Variants in DNAJB1 observed in about 807,000 individuals in gnomAD.
DNAJB1 encodes the protein dnaJ homolog subfamily B member 1.
DNAJB1 carries 14 observed loss-of-function variants against 24.0 expected under a neutral mutation model. The ratio of observed to expected loss-of-function variants is 0.58; its 90% confidence interval spans 0.39 to 0.91. DNAJB1 has a LOEUF of 0.91. DNAJB1 is among the 40% of genes least tolerant of loss of function. The pLI, the probability that DNAJB1 is intolerant of heterozygous loss-of-function variation, is 0.00. For synonymous variants in DNAJB1, 262 were observed against 174.4 expected (o/e 1.50, Z -3.96); for missense variants, 517 against 458.1 (o/e 1.13, Z -1.17).
chr19:14,518,155 G>A lies in DNAJB1; in HGVS notation c.195C>T (p.Asp65=), dbSNP rs752558652. 54 of 1,579,970 alleles carry A rather than the reference G, an allele frequency of 3.4e-5. No individual in the cohort carries two copies. The highest frequency in any genetic ancestry group is 3.1e-5 in the Non-Finnish European group (36 of 1,164,570). Residue 65 remains aspartate (D), a synonymous_variant, in exon 1 of 3, where the codon GAC becomes GAT. Transcript: ENST00000254322. ...LSDPRKREIF[D]RYGEEGLKGS... is the part of the protein sequence containing the mutation. ...AGCACACACCTTCCTCCCCGTAGCG[G>A]TCGAAGATCTCGCGCTTGCGCGGGT...
At chr19:14,535,324 A>G (rs2072822356) in intron 1 of DNAJB1, among the ~76,000 whole-genome samples, 1 of 150,808 alleles carries the variant, frequency 6.6e-6, no homozygotes, top group South Asian at 2.1e-4. Flanking sequence ...TGGCTAACAC[A>G]GTGAAACCCC....
chr19:14,540,621 ACCACAAGTGAT>A (rs909041704), intron 1 of DNAJB1, among the ~76,000 whole-genome samples: 1 of 149,610 alleles, frequency 6.7e-6, no homozygotes, highest in Non-Finnish European at 1.5e-5. Flanking sequence ...TGAACTCCTG[ACCACAAGTGAT>A]CCACCTGCCT....
At chr19:14,521,319 T>C (rs143653686), upstream of DNAJB1, among the ~76,000 whole-genome samples, 3,050 of 151,944 alleles carry the variant, frequency 0.02, 110 homozygotes, top group African/African-American at 0.065. Flanking sequence ...ATTAGTCGGG[T>C]GCGGTGGCAG....
At chr19:14,544,536 G>A (rs1024147552) in intron 1 of DNAJB1, among the ~76,000 whole-genome samples, 5 of 151,900 alleles carry the variant, frequency 3.3e-5, no homozygotes, top group South Asian at 2.1e-4. Flanking sequence ...CTTTGAGTGC[G>A]GGTCCTGAGC....
Position 14,515,686 on chromosome 19 carries a change from C to G in DNAJB1, c.*254G>C, listed in dbSNP as rs894433694. The G allele has an allele frequency of 2.2e-6, 1 of 449,374 alleles. No individual in the cohort carries two copies. The allele number at this position is 449,374 out of a possible 1,614,324, so 27.8% of individuals were successfully genotyped here. A position where few individuals can be genotyped will look rare whatever the true frequency, so the allele number is the denominator to read the frequency against. ...TGGATGTGGGCCCATCCCGGGAGGG[C>G]TGCCAGACCCAGTGGGGCAGACTGG... is the stretch of plus-strand genomic sequence containing the variant. On this transcript the variant is annotated 3_prime_UTR_variant, in exon 3 of 3. Transcript: ENST00000254322.
rs546630831 is a variant in DNAJB1, at chr19:14,557,983, C to G, written c.-2166+2048G>C. Reference sequence around the variant, plus strand: ...TGTTAGCCAGGATGGTCTCGATCTCCTGACCTCGTGATTCGCCCGCCTCGG... The same window carrying G: ...TGTTAGCCAGGATGGTCTCGATCTCGTGACCTCGTGATTCGCCCGCCTCGG... On this transcript the variant is annotated intron_variant, in intron 1 of 5. Coordinates refer to the DNAJB1 transcript ENST00000679223. Among the ~76,000 whole-genome samples, 7 of 151,182 alleles carry G rather than the reference C, an allele frequency of 4.6e-5. No individual in the cohort carries two copies. In the South Asian group the frequency reaches 1.3e-3, roughly 27 times the overall value.
intron 1 of DNAJB1, among the ~76,000 whole-genome samples, chr19:14,537,744 G>GTTTTTT (rs533380690): frequency 3.2e-5 from 4 of 126,268 alleles, no homozygotes; most frequent in Non-Finnish European, 3.3e-5. Context: ...AATTATCAGT[G>GTTTTTT]TTTTTTTTTT....
upstream of DNAJB1, chr19:14,529,820 C>A: frequency 6.6e-7 from 1 of 1,517,884 alleles, no homozygotes; most frequent in Non-Finnish European, 9.1e-7. Flanking sequence ...AAGGAAGAGC[C>A]AGACGGCGCA....
At position 14,515,892 on chromosome 19, in the gene DNAJB1, C is replaced by T. The variant is rs2072248545; in HGVS notation, c.*48G>A. 1.3e-6 allele frequency: 2 copies of T among 1,573,086 alleles called. No individual in the cohort carries two copies. The highest frequency in any genetic ancestry group is 3.8e-5 in the Admixed American group (2 of 52,918). Reference sequence around the variant, plus strand: ...CAACTGGTAGAAAGGTCCAGAAATCCTTGAGCTCTGGAAAGGTCCCTGGTC... The same window carrying T: ...CAACTGGTAGAAAGGTCCAGAAATCTTTGAGCTCTGGAAAGGTCCCTGGTC... On this transcript the variant is annotated 3_prime_UTR_variant, in exon 3 of 3. Transcript: ENST00000254322.
At chr19:14,553,897 C>T (rs1263510429), upstream of DNAJB1, among the ~76,000 whole-genome samples, 2 of 152,154 alleles carry the variant, frequency 1.3e-5, no homozygotes, top group African/African-American at 2.4e-5. Context: ...GTGTCTTTAC[C>T]TGGGGCCCTG....
intron 1 of DNAJB1, chr19:14,517,916 C>G (rs1168474654): frequency 2.3e-6 from 1 of 439,208 alleles, no homozygotes; most frequent in East Asian, 3.7e-5. Context: ...GAGGGGCAGC[C>G]CCAGACATGC....
At chr19:14,549,873 G>A (rs1296000852) in intron 1 of DNAJB1, among the ~76,000 whole-genome samples, 1 of 151,838 alleles carries the variant, frequency 6.6e-6, no homozygotes, top group African/African-American at 2.4e-5. Context: ...AACTCGGCAT[G>A]CGGAGGTTGC....
chr19:14,529,908 T>G, upstream of DNAJB1: 1 of 759,020 alleles, frequency 1.3e-6, no homozygotes, highest in East Asian at 2.7e-5. Flanking sequence ...TTTATAAATC[T>G]GCAACCCAGG....
chr19:14,540,617 C>A (rs2073066010), intron 1 of DNAJB1, among the ~76,000 whole-genome samples: 1 of 151,908 alleles, frequency 6.6e-6, no homozygotes, highest in African/African-American at 2.4e-5. Context: ...GTCTTGAACT[C>A]CTGACCACAA....
At chr19:14,548,374 C>G (rs541144651) in intron 1 of DNAJB1, among the ~76,000 whole-genome samples, 10 of 152,094 alleles carry the variant, frequency 6.6e-5, no homozygotes, top group Non-Finnish European at 1.5e-4. Context: ...TACCCAGGCC[C>G]TAAGCTGTTT....
intron 1 of DNAJB1, among the ~76,000 whole-genome samples, chr19:14,557,151 T>TTATTTATC (rs1368818546): frequency 6.6e-6 from 1 of 151,520 alleles, no homozygotes; most frequent in Non-Finnish European, 1.5e-5. Flanking sequence ...ATTTATTTAT[T>TTATTTATC]TATTTTGAGA....
chr19:14,551,359 G>A (rs1176441289), upstream of DNAJB1, among the ~76,000 whole-genome samples: 3 of 152,134 alleles, frequency 2.0e-5, no homozygotes, highest in African/African-American at 7.2e-5. Flanking sequence ...ACAGGCGTGA[G>A]CCACTGCACC....
rs1486220362 is a variant in DNAJB1, at chr19:14,516,507, C to T, written c.751G>A (p.Gly251Ser). ...CTGGCAGGATAAATGACATCAGAGC[C>T]ATCTCTCTTAAAGATATTGTGGGGC... ...DKPHNIFKRDGSDVIYPARIS... is the reference protein window; with the variant it reads ...DKPHNIFKRDSSDVIYPARIS... The change falls in exon 2 of 3, where the codon GGC becomes AGC. Residue 251 changes from glycine to serine, a missense_variant. Physicochemically the swap from Gly to Ser is moderately conservative, Grantham distance 56. Transcript: ENST00000254322. 1.9e-6 allele frequency: 3 copies of T among 1,614,114 alleles called. No individual in the cohort carries two copies. Among genetic ancestry groups the T allele is most frequent in the Admixed American group, 1.7e-5 (1 of 60,018 alleles).
chr19:14,518,863 C>T (rs911737899), upstream of DNAJB1, among the ~76,000 whole-genome samples: 17 of 152,268 alleles, frequency 1.1e-4, no homozygotes, highest in Non-Finnish European at 2.5e-4. Flanking sequence ...GGCTCCCGCC[C>T]GGTGACGCCG....
Sources: gnomAD v4.1 joint callset for allele counts (sites outside exome capture counted in the v4.1 genomes callset) on GRCh38, gnomAD v4.1.1 for gene constraint, MANE v1.5 for transcripts, NCBI Gene and HGNC (gene_info 2026-07-23, HGNC 2026-07-21) for gene names.